CNTNAP5: variants seen among roughly 807,000 people sequenced by gnomAD.
CNTNAP5 encodes contactin associated protein family member 5.
Under a neutral mutation model 150.2 loss-of-function variants are expected in CNTNAP5, and 72 were observed. The observed-to-expected ratio is 0.48, with a 90% CI of 0.40 to 0.58. The LOEUF is 0.58. Among genes scored for constraint, CNTNAP5 ranks in the 20% least tolerant of loss-of-function variants. The pLI is 0.00. For synonymous variants in CNTNAP5, 672 were observed against 619.8 expected (o/e 1.08, Z -1.25); for missense variants, 1,636 against 1,626.2 (o/e 1.01, Z -0.10).
intron 11 of CNTNAP5, among the ~76,000 whole-genome samples, chr2:124,601,644 G>A (rs189765999): frequency 1.5e-4 from 23 of 152,244 alleles, no homozygotes; most frequent in Middle Eastern, 3.4e-3. Flanking sequence ...GAAGTATTGC[G>A]TCAATGAGTC....
At chr2:124,872,219 TTTTG>T (rs1364872575) in intron 21 of CNTNAP5, among the ~76,000 whole-genome samples, 3 of 152,124 alleles carry the variant, frequency 2.0e-5, no homozygotes, top group Non-Finnish European at 2.9e-5. Context: ...GTCTCTGTTC[TTTTG>T]TTTGTTTCCA....
intron 19 of CNTNAP5, among the ~76,000 whole-genome samples, chr2:124,831,243 C>G (rs1558792783): frequency 6.6e-6 from 1 of 151,744 alleles, no homozygotes; most frequent in Non-Finnish European, 1.5e-5. Context: ...CTGGTTTGTC[C>G]AATACCTTCT....
In CNTNAP5 at chr2:124,271,173, G is replaced by A. The variant is rs536112678; in HGVS notation, c.381+28780G>A. 2.6e-5 allele frequency among the ~76,000 whole-genome samples: 4 copies of A among 151,994 alleles called. No homozygotes were observed. In the South Asian group the frequency reaches 8.3e-4, roughly 32 times the overall value. The stretch of plus-strand genomic sequence containing the variant: ...CTCTAGAAAGGGAAAAGATGAAAAT[G>A]GTTTGAATAAGTCAGAAAAAAATGT... On this transcript the variant is annotated intron_variant, in intron 3 of 23. Transcript: ENST00000682447.
chr2:124,869,620 T>C (rs1416993718), intron 20 of CNTNAP5, 55 bp from the exon 21 acceptor site: 9 of 1,167,802 alleles, frequency 7.7e-6, no homozygotes, highest in Admixed American at 1.8e-5. Flanking sequence ...GATCGTTTTA[T>C]GCTTCTTACC....
intron 1 of CNTNAP5, among the ~76,000 whole-genome samples, chr2:124,136,415 C>T (rs1683974321): frequency 6.6e-6 from 1 of 152,162 alleles, no homozygotes; most frequent in Admixed American, 6.5e-5. Flanking sequence ...GATTGAAACA[C>T]ACTTTGTATA....
intron 1 of CNTNAP5, among the ~76,000 whole-genome samples, chr2:124,039,950 A>G (rs940700139): frequency 2.0e-5 from 3 of 152,172 alleles, no homozygotes; most frequent in Admixed American, 6.5e-5. Flanking sequence ...CCGCTATGTA[A>G]ACCACTTGTT....
chr2:124,786,343 G>A (rs1681570624), intron 17 of CNTNAP5, among the ~76,000 whole-genome samples: 1 of 111,824 alleles, frequency 8.9e-6, no homozygotes, highest in Non-Finnish European at 1.8e-5. Context: ...GAGAAAGAAA[G>A]AAAGAAAGGA....
intron 13 of CNTNAP5, among the ~76,000 whole-genome samples, chr2:124,723,486 A>G (rs907413954): frequency 1.3e-5 from 2 of 152,150 alleles, no homozygotes; most frequent in African/African-American, 4.8e-5. Context: ...CATATTACCC[A>G]ATTCCAAAGC....
intron 10 of CNTNAP5, among the ~76,000 whole-genome samples, chr2:124,551,484 G>A (rs1395457298): frequency 6.6e-6 from 1 of 152,134 alleles, no homozygotes; most frequent in African/African-American, 2.4e-5. Context: ...CAATGCGGTT[G>A]GCTGCTAATT....
At chr2:124,708,235 T>C (rs1679735512) in intron 13 of CNTNAP5, among the ~76,000 whole-genome samples, 1 of 152,144 alleles carries the variant, frequency 6.6e-6, no homozygotes, top group Non-Finnish European at 1.5e-5. Flanking sequence ...TCAGTAGGAA[T>C]GGAGGTATCC....
intron 13 of CNTNAP5, among the ~76,000 whole-genome samples, chr2:124,726,888 G>A (rs573918633): frequency 2.0e-5 from 3 of 151,682 alleles, no homozygotes; most frequent in African/African-American, 7.3e-5. Flanking sequence ...TGCTTTTGGG[G>A]TCATGCTAAA....
chr2:124,784,979 A>G (rs1360397557), intron 17 of CNTNAP5, among the ~76,000 whole-genome samples: 1 of 148,688 alleles, frequency 6.7e-6, no homozygotes, highest in Admixed American at 6.9e-5. Context: ...GTATCTTTAA[A>G]TATTGTTTTT....
intron 1 of CNTNAP5, among the ~76,000 whole-genome samples, chr2:124,057,968 C>G (rs1473241044): frequency 6.6e-6 from 1 of 151,844 alleles, no homozygotes; most frequent in Non-Finnish European, 1.5e-5. Flanking sequence ...TACTATGTAA[C>G]CACAAAAATT....
At chr2:124,441,432 A>C (rs1325059589) in intron 5 of CNTNAP5, among the ~76,000 whole-genome samples, 1 of 152,060 alleles carries the variant, frequency 6.6e-6, no homozygotes, top group Non-Finnish European at 1.5e-5. Context: ...ATCCGCACAT[A>C]GTGCTTATTT....
intron 19 of CNTNAP5, among the ~76,000 whole-genome samples, chr2:124,828,166 T>C (rs1333181615): frequency 2.0e-5 from 3 of 152,144 alleles, no homozygotes; most frequent in Admixed American, 2.0e-4. Context: ...AGTTTGATAA[T>C]AATGTCTACT....
intron 13 of CNTNAP5, among the ~76,000 whole-genome samples, chr2:124,677,211 G>A (rs747327194): frequency 1.3e-5 from 2 of 152,176 alleles, no homozygotes; most frequent in African/African-American, 4.8e-5. Flanking sequence ...GACCTTCACA[G>A]TGAGTGTTAC....
At chr2:124,129,000 T>G (rs973948484) in intron 1 of CNTNAP5, among the ~76,000 whole-genome samples, 1 of 151,924 alleles carries the variant, frequency 6.6e-6, no homozygotes, top group African/African-American at 2.4e-5. Context: ...ATATGGCACA[T>G]GTATACATAT....
rs532676625 is a variant in CNTNAP5, at chr2:124,857,663, T to TA, written c.3218-7633dup. ...CAACATGATGAAACCCTGTCTCCACTAAAAAAAAAAGAAAAAAAAATGAAT... is the reference window on the plus strand; with the variant it reads ...CAACATGATGAAACCCTGTCTCCACTAAAAAAAAAAAGAAAAAAAAATGAAT... On this transcript the variant is annotated intron_variant, in intron 19 of 23. Transcript: ENST00000682447. Among the ~76,000 whole-genome samples the TA allele has an allele frequency of 2.8e-3, 386 of 137,772 alleles. 4 individuals carry two copies. The highest frequency in any genetic ancestry group is 8.4e-3 in the African/African-American group (293 of 35,066). 90.4% of individuals were successfully genotyped at this position (137,772 alleles called of 152,430 possible). A position where few individuals can be genotyped will look rare whatever the true frequency, so the allele number is the denominator to read the frequency against.
At chr2:124,845,035 T>C (rs187723898) in intron 19 of CNTNAP5, among the ~76,000 whole-genome samples, 2 of 152,218 alleles carry the variant, frequency 1.3e-5, no homozygotes, top group East Asian at 3.9e-4. Context: ...GTGGTAAAAG[T>C]GGGCATCCTT....
Sources: gnomAD v4.1 joint callset for allele counts (sites outside exome capture counted in the v4.1 genomes callset) on GRCh38, gnomAD v4.1.1 for gene constraint, MANE v1.5 for transcripts, NCBI Gene and HGNC (gene_info 2026-07-23, HGNC 2026-07-21) for gene names.